The following SLC44A5 variants were observed in gnomAD, a reference collection of about 807,000 sequenced individuals.
The protein encoded by SLC44A5 is solute carrier family 44 member 5, also known as choline transporter-like protein 5.
In SLC44A5, 57 loss-of-function variants were observed where a neutral mutation model predicts 101.8. The ratio of observed to expected loss-of-function variants is 0.56; its 90% CI spans 0.45 to 0.70. The LOEUF (loss-of-function observed/expected upper bound fraction) is 0.70. Ranked by LOEUF, SLC44A5 falls within the 30% of genes least tolerant of loss-of-function variation. SLC44A5 has a pLI of 0.00. For missense variants in SLC44A5, 737 were observed against 853.1 expected (o/e 0.86, Z 1.70); for synonymous variants, 281 against 290.9 (o/e 0.97, Z 0.35).
upstream of SLC44A5, chr1:75,611,250 G>T: frequency 5.4e-6 from 1 of 186,540 alleles, no homozygotes; most frequent in Non-Finnish European, 1.0e-5. Flanking sequence ...AAGAGGGGGA[G>T]GAGACTGAAC....
intron 2 of SLC44A5, among the ~76,000 whole-genome samples, chr1:75,482,021 A>G (rs1667888376): frequency 1.3e-5 from 2 of 152,262 alleles, no homozygotes; most frequent in South Asian, 4.2e-4. Context: ...GAACCAACCC[A>G]AATGTCCAAC....
intron 2 of SLC44A5, among the ~76,000 whole-genome samples, chr1:75,458,524 A>T (rs1666317122): frequency 6.6e-6 from 1 of 152,216 alleles, no homozygotes; most frequent in Non-Finnish European, 1.5e-5. Context: ...ACAATAGCCC[A>T]ATAAAGAGAC....
At chr1:75,473,859 G>A (rs998967843) in intron 2 of SLC44A5, among the ~76,000 whole-genome samples, 1 of 152,056 alleles carries the variant, frequency 6.6e-6, no homozygotes, top group Non-Finnish European at 1.5e-5. Flanking sequence ...CCTAGCTGGT[G>A]GCAGTATATT....
chr1:75,211,913 T>C (rs1421995624), intron 22 of SLC44A5, among the ~76,000 whole-genome samples: 1 of 151,372 alleles, frequency 6.6e-6, no homozygotes, highest in African/African-American at 2.4e-5. Flanking sequence ...TCTTTCTCTT[T>C]CTTCCTTTCT....
At chr1:75,248,653 T>C (rs963402038) in intron 7 of SLC44A5, among the ~76,000 whole-genome samples, 4 of 152,044 alleles carry the variant, frequency 2.6e-5, no homozygotes, top group Admixed American at 2.6e-4. Flanking sequence ...TCTATAGCAG[T>C]AGGCTATAGA....
At chr1:75,553,002 C>T (rs1672024796) in intron 1 of SLC44A5, among the ~76,000 whole-genome samples, 2 of 151,928 alleles carry the variant, frequency 1.3e-5, no homozygotes, top group African/African-American at 4.8e-5. Context: ...GACACCAGTT[C>T]AAAAATTACG....
chr1:75,600,370 C>A (rs1674900266), intron 1 of SLC44A5, among the ~76,000 whole-genome samples: 1 of 152,086 alleles, frequency 6.6e-6, no homozygotes, highest in Admixed American at 6.6e-5. Context: ...CACTTGTTTT[C>A]CAAAACTTTT....
intron 2 of SLC44A5, among the ~76,000 whole-genome samples, chr1:75,459,437 T>A (rs1666373354): frequency 6.6e-6 from 1 of 152,200 alleles, no homozygotes; most frequent in South Asian, 2.1e-4. Flanking sequence ...AGCACTTTCA[T>A]CCTCCAAAAC....
Position 75,534,126 on chromosome 1 carries a change from A to C in SLC44A5, c.13+7309T>G, listed in dbSNP as rs111437762. Among the ~76,000 whole-genome samples the C allele has an allele frequency of 2.8e-3, 422 of 152,330 alleles. 4 individuals are homozygous for C. The highest frequency in any genetic ancestry group is 9.3e-3 in the African/African-American group (388 of 41,582). ...GCATTATCAATTGATCAGAGCTGGC[A>C]GAAAAGGGGACACCTATTTGCCATG... On this transcript the variant is annotated intron_variant, in intron 2 of 23. Coordinates refer to ENST00000370859, the MANE Select transcript of SLC44A5 (RefSeq NM_001130058.2).
intron 4 of SLC44A5, among the ~76,000 whole-genome samples, chr1:75,316,650 C>A (rs577953434): frequency 6.6e-6 from 1 of 152,088 alleles, no homozygotes; most frequent in Non-Finnish European, 1.5e-5. Context: ...GGACTTCTTT[C>A]GAATTTGTTA....
intron 4 of SLC44A5, among the ~76,000 whole-genome samples, chr1:75,314,526 T>G (rs1375382094): frequency 6.6e-6 from 1 of 152,168 alleles, no homozygotes; most frequent in African/African-American, 2.4e-5. Context: ...CTTTCATTGA[T>G]GCTAGGGTTG....
chr1:75,213,176 A>G (rs1301476430), intron 22 of SLC44A5, among the ~76,000 whole-genome samples: 1 of 152,162 alleles, frequency 6.6e-6, no homozygotes, highest in Non-Finnish European at 1.5e-5. Context: ...GCTTCCTGAC[A>G]TACCTTCCGC....
At chr1:75,638,276 T>C in the SLC44A5 span, among the ~76,000 whole-genome samples, 1 of 152,064 alleles carries the variant, frequency 6.6e-6, no homozygotes, top group South Asian at 2.1e-4. Flanking sequence ...TGCTCCAAAA[T>C]CACACAAGTG....
At chr1:75,395,665 G>A (rs1475993500) in intron 3 of SLC44A5, among the ~76,000 whole-genome samples, 2 of 151,982 alleles carry the variant, frequency 1.3e-5, no homozygotes, top group Non-Finnish European at 2.9e-5. Flanking sequence ...TTATTTAATC[G>A]ACAAACAATA....
chr1:75,314,869 T>C (rs1015235757), intron 4 of SLC44A5, among the ~76,000 whole-genome samples: 8 of 152,180 alleles, frequency 5.3e-5, no homozygotes, highest in Admixed American at 3.9e-4. Flanking sequence ...GTATTAATTT[T>C]AGGTAGTTGA....
chr1:75,347,755 C>A (rs1658360858), intron 3 of SLC44A5, among the ~76,000 whole-genome samples: 1 of 151,868 alleles, frequency 6.6e-6, no homozygotes, highest in South Asian at 2.1e-4. Flanking sequence ...GAGCTGATCT[C>A]ACCCTCTTTT....
At position 75,311,474 on chromosome 1, in the gene SLC44A5, G is replaced by T; in HGVS notation, c.102-10789C>A. 7.8e-6 allele frequency: 6 copies of T among 765,480 alleles called. No individual in the cohort carries two copies. In the South Asian group the frequency reaches 2.4e-4, roughly 30 times the overall value. 47.4% of individuals were successfully genotyped at this position (765,480 alleles called of 1,614,324 possible). On this transcript the variant is annotated intron_variant, in intron 4 of 23. Transcript: ENST00000370859. ...CATTAGGCAATCTATACTTAATTTT[G>T]TCCAGAGTGGTCTCAGTTCTCTTAC...
chr1:75,684,524 A>G, the SLC44A5 span, among the ~76,000 whole-genome samples: 1 of 152,174 alleles, frequency 6.6e-6, no homozygotes, highest in Non-Finnish European at 1.5e-5. Context: ...TAAATTGGAG[A>G]AATTGGCCAA....
chr1:75,629,460 G>T, the SLC44A5 span, among the ~76,000 whole-genome samples: 1 of 152,160 alleles, frequency 6.6e-6, no homozygotes, highest in Non-Finnish European at 1.5e-5. Context: ...AATAGATTAA[G>T]ATTTTAGCAC....
Sources: gnomAD v4.1 joint callset for allele counts (sites outside exome capture counted in the v4.1 genomes callset) on GRCh38, gnomAD v4.1.1 for gene constraint, MANE v1.5 for transcripts, NCBI Gene and HGNC (gene_info 2026-07-23, HGNC 2026-07-21) for gene names.